Variants in AKAP13 observed in about 807,000 individuals in gnomAD.
AKAP13 encodes the protein A-kinase anchoring protein 13, also known as A-kinase anchor protein 13.
Under a neutral mutation model 264.5 loss-of-function variants are expected in AKAP13, and 80 were observed. The ratio of observed to expected loss-of-function variants is 0.30; its 90% CI spans 0.25 to 0.36. The LOEUF (loss-of-function observed/expected upper bound fraction) is 0.36. AKAP13 is among the 10% of genes least tolerant of loss of function. The pLI is 1.00. For missense variants in AKAP13, 3,712 were observed against 3,435.2 expected (o/e 1.08, Z -2.01); for synonymous variants, 1,380 against 1,250.2 (o/e 1.10, Z -2.19).
At chr15:85,600,377 C>T (rs1415564764) in intron 8 of AKAP13, among the ~76,000 whole-genome samples, 3 of 148,322 alleles carry the variant, frequency 2.0e-5, no homozygotes, top group Admixed American at 6.7e-5. Context: ...CGTTTTATCA[C>T]ATAACCAACT....
chr15:85,622,879 T>G (rs1364272387), intron 8 of AKAP13, among the ~76,000 whole-genome samples: 1 of 152,214 alleles, frequency 6.6e-6, no homozygotes, highest in Non-Finnish European at 1.5e-5. Flanking sequence ...ATATTAGCTT[T>G]TATTGATATA....
chr15:85,629,342 C>T (rs2081581009), intron 8 of AKAP13, among the ~76,000 whole-genome samples: 1 of 152,142 alleles, frequency 6.6e-6, no homozygotes, highest in Admixed American at 6.5e-5. Context: ...TTATTACTTT[C>T]ATCAAATTAC....
Position 85,580,709 on chromosome 15 carries a change from C to T in AKAP13, c.2641C>T (p.Pro881Ser), listed in dbSNP as rs2079130830. The T allele has an allele frequency of 6.2e-7, 1 of 1,614,016 alleles. No individual in the cohort carries two copies. The highest frequency in any genetic ancestry group is 8.5e-7 in the Non-Finnish European group (1 of 1,180,026). The change falls in exon 7 of 37, where the codon CCA (proline) becomes TCA (serine). Residue 881 changes from proline (P) to serine (S), a missense_variant. Physicochemically the swap from Pro to Ser is moderately conservative, Grantham distance 74 (BLOSUM62 -1). This residue lies in a region of AKAP13 where 2,759 missense variants were observed against 2,411.7 expected (regional missense o/e 1.14). Coordinates refer to ENST00000394518, the MANE Select transcript of AKAP13 (RefSeq NM_007200.5). ...TGAGGGTCCCGCCCCTCCAGCAATC[C>T]CAGAAGCTCTGAATATCAAGGGGAA... ...EHEGPAPPAIPEALNIKGNTD... is the reference protein window; with the variant it reads ...EHEGPAPPAISEALNIKGNTD...
intron 1 of AKAP13, among the ~76,000 whole-genome samples, chr15:85,430,392 A>G (rs140033073): frequency 6.6e-6 from 1 of 152,228 alleles, no homozygotes; most frequent in African/African-American, 2.4e-5. Flanking sequence ...AAATTAGTTG[A>G]AGTTGTAAAC....
chr15:85,671,732 C>T (rs1328354480), intron 14 of AKAP13, among the ~76,000 whole-genome samples: 2 of 151,634 alleles, frequency 1.3e-5, no homozygotes, highest in African/African-American at 4.8e-5. Flanking sequence ...TTTGATAAGC[C>T]AGAATGCTAG....
intron 10 of AKAP13, among the ~76,000 whole-genome samples, chr15:85,649,609 C>G (rs1039458056): frequency 6.6e-6 from 1 of 152,190 alleles, no homozygotes; most frequent in Non-Finnish European, 1.5e-5. Context: ...AGGTCTTTAA[C>G]AGCCCGTAAC....
chr15:85,420,188 G>A (rs984481585), intron 1 of AKAP13, among the ~76,000 whole-genome samples: 7 of 151,558 alleles, frequency 4.6e-5, no homozygotes, highest in African/African-American at 7.3e-5. Flanking sequence ...TGATCCGCCC[G>A]CCTCGGCCTC....
chr15:85,585,597 G>A (rs966535417), intron 7 of AKAP13, 105 bp from the exon 8 acceptor site: 9 of 1,503,938 alleles, frequency 6.0e-6, no homozygotes, highest in Admixed American at 1.8e-5. Flanking sequence ...CCATTTTAAC[G>A]CAAAAGCAAA....
intron 8 of AKAP13, among the ~76,000 whole-genome samples, chr15:85,586,240 G>C (rs892865429): frequency 6.6e-6 from 1 of 150,718 alleles, no homozygotes; most frequent in African/African-American, 2.4e-5. Flanking sequence ...ACCCAGGCTG[G>C]AGTGCAGTGG....
chr15:85,631,497 C>CTG (rs2081810984), intron 8 of AKAP13, among the ~76,000 whole-genome samples: 1 of 68,762 alleles, frequency 1.5e-5, no homozygotes, highest in African/African-American at 5.0e-5. Context: ...CTCTCTCTCT[C>CTG]TCTCTCACAC....
rs1180966622 is a variant in AKAP13 at position 85,583,008 on chromosome 15, C to G, written c.4039+901C>G. 4.1e-6 allele frequency: 4 copies of G among 985,320 alleles called. No homozygotes were observed. The African/African-American group carries it at 7.0e-5, about 17-fold the overall frequency. 61.0% of individuals were successfully genotyped at this position (985,320 alleles called of 1,614,324 possible). ...GAAATAAACTATCTGAATAAAACTT[C>G]TTAACGGGGGTTGAGGCTGAAGCTG... On this transcript the variant is annotated intron_variant, in intron 7 of 36. Coordinates refer to ENST00000394518, the MANE Select transcript of AKAP13 (RefSeq NM_007200.5).
intron 8 of AKAP13, among the ~76,000 whole-genome samples, chr15:85,603,197 G>A (rs1406451553): frequency 5.9e-5 from 9 of 152,192 alleles, no homozygotes. Flanking sequence ...TAAAATAACT[G>A]TACAAGTGAT....
chr15:85,596,372 G>C lies in AKAP13; in HGVS notation c.4161+10549G>C, dbSNP rs1050543276. On this transcript the variant is annotated intron_variant, in intron 8 of 36. Transcript: ENST00000394518. ...TATAATCCTGGCACTTTGGGAGATC[G>C]AAGCAGGTGTATTGCTTGAGCCTAG... Among the ~76,000 whole-genome samples the C allele has an allele frequency of 2.0e-5, 3 of 152,200 alleles. No individual in the cohort carries two copies. The East Asian group carries it at 5.8e-4, about 29-fold the overall frequency.
In AKAP13 at chr15:85,743,518, G is replaced by A. The variant is rs773621229; in HGVS notation, c.8085G>A (p.Met2695Ile). 21 of 1,614,020 alleles carry A rather than the reference G, an allele frequency of 1.3e-5. No individual in the cohort carries two copies. The highest frequency in any genetic ancestry group is 2.2e-5 in the East Asian group (1 of 44,892). ...TTTCCCATCCACATACCAAGCTGAT[G>A]AGGATCCCATCGTTCTTCCCCAGTC... ...CQVSHPHTKL[M>I]RIPSFFPSPE... The change falls in exon 36 of 37, where the codon ATG (methionine) becomes ATA (isoleucine). Residue 2695 changes from methionine (M) to isoleucine (I), a missense_variant. Around this residue, in one of 3 missense-constraint regions of AKAP13, gnomAD observed 611 missense variants for 539.3 expected, o/e 1.13. Coordinates refer to ENST00000394518, the MANE Select transcript of AKAP13 (RefSeq NM_007200.5).
chr15:85,384,588 G>T (rs2070457997), intron 1 of AKAP13, among the ~76,000 whole-genome samples: 1 of 151,980 alleles, frequency 6.6e-6, no homozygotes, highest in Non-Finnish European at 1.5e-5. Context: ...AGGGTGGCAG[G>T]TGCCTGTAAT....
chr15:85,491,540 AATAT>A (rs910480315), intron 2 of AKAP13, among the ~76,000 whole-genome samples: 2 of 116,324 alleles, frequency 1.7e-5, no homozygotes, highest in Admixed American at 1.7e-4. Flanking sequence ...TTTTATATAT[AATAT>A]ATATATTTTA....
chr15:85,639,414 A>C lies in AKAP13; in HGVS notation c.4202A>C (p.Asp1401Ala). 6.2e-7 allele frequency: 1 copy of C among 1,613,178 alleles called. No homozygotes were observed. Among genetic ancestry groups the C allele is most frequent in the Non-Finnish European group, 8.5e-7 (1 of 1,179,762 alleles). The change falls in exon 9 of 37, where the codon GAT (aspartate) becomes GCT (alanine). Residue 1401 changes from aspartate to alanine, a missense_variant. Physicochemically the swap from Asp to Ala is moderately radical, Grantham distance 126 (BLOSUM62 -2). Transcript: ENST00000394518. ...TGGTGTACAATAGAGCCATGCCCTGATGCAGCATCTCTTCTGGCTTCCAAG... is the reference window on the plus strand; with the variant it reads ...TGGTGTACAATAGAGCCATGCCCTGCTGCAGCATCTCTTCTGGCTTCCAAG... ...ENWCTIEPCPDAASLLASKQS... is the reference protein window; with the variant it reads ...ENWCTIEPCPAAASLLASKQS...
intron 2 of AKAP13, among the ~76,000 whole-genome samples, chr15:85,486,414 A>C (rs573121798): frequency 6.6e-6 from 1 of 152,148 alleles, no homozygotes; most frequent in East Asian, 1.9e-4. Context: ...GTAATGTGAG[A>C]GTTCATTTTT....
chr15:85,506,488 A>C (rs7174323), intron 2 of AKAP13, among the ~76,000 whole-genome samples: 77,633 of 151,916 alleles, frequency 0.51, 20,410 homozygotes, highest in Middle Eastern at 0.63. Context: ...AGATAAATAC[A>C]TAAATACATG....
Sources: allele counts gnomAD v4.1 joint callset (sites outside exome capture counted in the v4.1 genomes callset), GRCh38; gene constraint gnomAD v4.1.1; regional missense constraint gnomAD v4.1.1; transcripts MANE v1.5; gene names NCBI Gene and HGNC (gene_info 2026-07-23, HGNC 2026-07-21).